Variants in IL33 observed in about 807,000 individuals in gnomAD.
IL33 encodes the protein interleukin-33.
In IL33, 37 loss-of-function variants were observed where a neutral mutation model predicts 27.3. That is an observed-to-expected ratio of 1.36 (90% CI 1.04 to 1.78). IL33 has a LOEUF of 1.78. IL33 is among the 40% of genes most tolerant of loss of function. The pLI is 0.00. For missense variants in IL33, 406 were observed against 311.4 expected (o/e 1.30, Z -2.29); for synonymous variants, 132 against 102.9 (o/e 1.28, Z -1.71).
chr9:6,229,929 TAAAC>T (rs1818846007), intron 1 of IL33, among the ~76,000 whole-genome samples: 1 of 152,186 alleles, frequency 6.6e-6, no homozygotes, highest in Admixed American at 6.5e-5. Context: ...CTCCAATGGT[TAAAC>T]AGAGTTTCCC....
chr9:6,217,530 TTTTCTCACTGTTA>T (rs1304661915), intron 1 of IL33, among the ~76,000 whole-genome samples: 3 of 152,258 alleles, frequency 2.0e-5, no homozygotes, highest in Admixed American at 6.5e-5. Flanking sequence ...ACTGTCATAA[TTTTCTCACTGTTA>T]TTTCTCACTG....
intron 1 of IL33, among the ~76,000 whole-genome samples, chr9:6,219,229 G>A (rs1818309343): frequency 6.6e-6 from 1 of 151,864 alleles, no homozygotes; most frequent in South Asian, 2.1e-4. Context: ...AAGAACTTCA[G>A]GAAATCATGG....
intron 1 of IL33, among the ~76,000 whole-genome samples, chr9:6,238,609 T>C (rs1415850274): frequency 6.6e-6 from 1 of 152,202 alleles, no homozygotes. Context: ...ATCCAAGAAC[T>C]CAATGCTCTT....
chr9:6,247,447 G>A (rs904045407), intron 2 of IL33, among the ~76,000 whole-genome samples: 3 of 152,186 alleles, frequency 2.0e-5, no homozygotes, highest in African/African-American at 7.2e-5. Flanking sequence ...ATTCACCTCT[G>A]TGGTTTCCTA....
intron 1 of IL33, among the ~76,000 whole-genome samples, chr9:6,229,682 G>C (rs1236107676): frequency 6.6e-6 from 1 of 152,158 alleles, no homozygotes; most frequent in Non-Finnish European, 1.5e-5. Context: ...TAGGGTTTCT[G>C]TAAGCACTGA....
intron 1 of IL33, among the ~76,000 whole-genome samples, chr9:6,217,454 AG>A (rs1818194606): frequency 6.6e-6 from 1 of 152,216 alleles, no homozygotes; most frequent in Admixed American, 6.5e-5. Flanking sequence ...GCCCAAGCCC[AG>A]GAATGACCAA....
intron 1 of IL33, among the ~76,000 whole-genome samples, chr9:6,241,354 C>T (rs558357162): frequency 6.6e-6 from 1 of 152,170 alleles, no homozygotes; most frequent in African/African-American, 2.4e-5. Context: ...TTGTTTACAC[C>T]ACCATCACCA....
chr9:6,224,995 C>G (rs1487317114), intron 1 of IL33, among the ~76,000 whole-genome samples: 1 of 152,094 alleles, frequency 6.6e-6, no homozygotes, highest in Non-Finnish European at 1.5e-5. Context: ...TCAGCAAAGC[C>G]TTTGTATATG....
intron 7 of IL33, among the ~76,000 whole-genome samples, chr9:6,254,911 A>C (rs1171621734): frequency 6.6e-6 from 1 of 152,164 alleles, no homozygotes. Context: ...AAGCACTGTT[A>C]CATAGAATGA....
At chr9:6,220,112 T>C (rs1818345776) in intron 1 of IL33, among the ~76,000 whole-genome samples, 1 of 152,068 alleles carries the variant, frequency 6.6e-6, no homozygotes, top group South Asian at 2.1e-4. Context: ...GGGAAAGAGT[T>C]CCTGCCAGCC....
At chr9:6,234,657 C>T (rs1819092959) in intron 1 of IL33, among the ~76,000 whole-genome samples, 1 of 152,174 alleles carries the variant, frequency 6.6e-6, no homozygotes, top group Admixed American at 6.5e-5. Flanking sequence ...CATTCCATCC[C>T]CTCCTCGTTA....
chr9:6,256,675 A>C lies in IL33; in HGVS notation c.*507A>C, dbSNP rs1189555331. 8 of 215,934 alleles carry C rather than the reference A, an allele frequency of 3.7e-5. No individual in the cohort carries two copies. The highest frequency in any genetic ancestry group is 6.3e-5 in the Non-Finnish European group (7 of 111,092). 13.4% of individuals were successfully genotyped at this position (215,934 alleles called of 1,614,324 possible). On this transcript the variant is annotated 3_prime_UTR_variant, in exon 8 of 8. Transcript: ENST00000682010. Reference sequence around the variant, plus strand: ...ATTTTTTCAACTGGAATAAAACACCAGGTTTGTTTGTAGATGTCTTAGGCA... The same window carrying C: ...ATTTTTTCAACTGGAATAAAACACCCGGTTTGTTTGTAGATGTCTTAGGCA...
chr9:6,240,393 C>A (rs1031882920), intron 1 of IL33, among the ~76,000 whole-genome samples: 31 of 151,976 alleles, frequency 2.0e-4, no homozygotes, highest in Admixed American at 2.0e-3. Flanking sequence ...CAACTGGGAT[C>A]AATAAAAAGG....
At chr9:6,249,401 G>C (rs181700083) in intron 2 of IL33, among the ~76,000 whole-genome samples, 84 of 152,248 alleles carry the variant, frequency 5.5e-4, no homozygotes, top group Non-Finnish European at 1.0e-3. Context: ...TAAATTGCTT[G>C]ATAATTCATT....
At position 6,251,124 on chromosome 9, in the gene IL33, C is replaced by A; in HGVS notation, c.218-16C>A. The A allele has an allele frequency of 6.2e-7, 1 of 1,612,598 alleles. No individual in the cohort carries two copies. Among genetic ancestry groups the A allele is most frequent in the Non-Finnish European group, 8.5e-7 (1 of 1,179,174 alleles). On this transcript the variant is annotated splice_polypyrimidine_tract_variant and intron_variant, in intron 3 of 7. Transcript: ENST00000682010. The stretch of plus-strand genomic sequence containing the variant: ...TGGGGATTGATGGTCTATCCCTAAT[C>A]CCATCCGGTCTGCAGGTAGAAAGCA...
At chr9:6,242,725 T>C (rs1819602147) in intron 2 of IL33, 1 of 152,242 alleles carries the variant, frequency 6.6e-6, no homozygotes, top group Non-Finnish European at 1.5e-5. Flanking sequence ...GCAAGATCTT[T>C]CGTGGCAAAG....
chr9:6,226,916 T>C (rs953185604), intron 1 of IL33, among the ~76,000 whole-genome samples: 1 of 152,248 alleles, frequency 6.6e-6, no homozygotes, highest in Non-Finnish European at 1.5e-5. Context: ...GTGGTTTGTG[T>C]AGCAGCTGAG....
rs367720235 is a variant in IL33 at position 6,253,698 on chromosome 9, A to T, written c.520+96A>T. 2.3e-4 allele frequency: 215 copies of T among 927,518 alleles called. No homozygotes were observed. In the East Asian group the frequency reaches 2.4e-3, roughly 10 times the overall value. 57.5% of individuals were successfully genotyped at this position (927,518 alleles called of 1,614,324 possible). A position where few individuals can be genotyped will look rare whatever the true frequency, so the allele number is the denominator to read the frequency against. ...TCCTTTTTGCCCCATAGGAAAAAAG[A>T]TAGTCTCAGAAGGTTATCTCCAACC... On this transcript the variant is annotated intron_variant, in intron 6 of 7. Transcript: ENST00000682010.
chr9:6,222,588 A>G (rs896945257), intron 1 of IL33, among the ~76,000 whole-genome samples: 7 of 152,238 alleles, frequency 4.6e-5, no homozygotes, highest in African/African-American at 1.7e-4. Flanking sequence ...ATGAGAAAAA[A>G]AGCCTGCAAA....
Sources: gnomAD v4.1 joint callset for allele counts (sites outside exome capture counted in the v4.1 genomes callset) on GRCh38, gnomAD v4.1.1 for gene constraint, MANE v1.5 for transcripts, NCBI Gene and HGNC (gene_info 2026-07-23, HGNC 2026-07-21) for gene names.